CACNB2: variants seen among roughly 807,000 people sequenced by gnomAD.
CACNB2 encodes the protein calcium voltage-gated channel auxiliary subunit beta 2, also known as voltage-dependent L-type calcium channel subunit beta-2.
In CACNB2, 42 loss-of-function variants were observed where a neutral mutation model predicts 73.3. That is an observed-to-expected ratio of 0.57 (90% CI 0.45 to 0.74). The LOEUF (loss-of-function observed/expected upper bound fraction) is 0.74, where lower values mean the gene tolerates loss of function less well. Among genes scored for constraint, CACNB2 ranks in the 30% least tolerant of loss-of-function variants. The pLI is 0.00. For synonymous variants in CACNB2, 348 were observed against 310.3 expected, an observed-to-expected ratio of 1.12 and a Z score of -1.28; for missense variants, 940 against 853.0, an observed-to-expected ratio of 1.10 and a Z score of -1.27.
At chr10:18,303,873 G>T (rs895637618) in intron 2 of CACNB2, among the ~76,000 whole-genome samples, 6 of 152,156 alleles carry the variant, frequency 3.9e-5, no homozygotes, top group African/African-American at 1.4e-4. Flanking sequence ...AATGATGTCT[G>T]TGTAAGAGTT....
At chr10:18,443,999 G>A (rs1198683427) in intron 3 of CACNB2, among the ~76,000 whole-genome samples, 1 of 152,200 alleles carries the variant, frequency 6.6e-6, no homozygotes, top group African/African-American at 2.4e-5. Context: ...ACAGGCGTGA[G>A]CCACCACACC....
At chr10:18,203,816 G>T (rs918526719) in intron 2 of CACNB2, among the ~76,000 whole-genome samples, 1 of 152,114 alleles carries the variant, frequency 6.6e-6, no homozygotes, top group Non-Finnish European at 1.5e-5. Flanking sequence ...AAGAACCGTA[G>T]TTCTTATAAT....
intron 3 of CACNB2, among the ~76,000 whole-genome samples, chr10:18,487,645 G>A (rs1028973220): frequency 6.6e-6 from 1 of 151,974 alleles, no homozygotes; most frequent in Non-Finnish European, 1.5e-5. Flanking sequence ...GACCAGCCTC[G>A]CCAACATAGT....
chr10:18,175,457 T>G (rs2033529833), intron 2 of CACNB2, among the ~76,000 whole-genome samples: 1 of 152,216 alleles, frequency 6.6e-6, no homozygotes, highest in Non-Finnish European at 1.5e-5. Flanking sequence ...GCACAATTTT[T>G]TTTATGAGGA....
chr10:18,483,235 A>C (rs533096815), intron 3 of CACNB2, among the ~76,000 whole-genome samples: 3 of 152,090 alleles, frequency 2.0e-5, no homozygotes, highest in Non-Finnish European at 4.4e-5. Context: ...CGTTTAAAAA[A>C]AAAAAACAGA....
intron 3 of CACNB2, among the ~76,000 whole-genome samples, chr10:18,413,063 C>T (rs181005022): frequency 2.0e-4 from 30 of 152,350 alleles, no homozygotes; most frequent in Admixed American, 1.5e-3. Flanking sequence ...TTCTGCCCCC[C>T]GGGTTCAAGT....
At chr10:18,425,491 A>G (rs2045550994) in intron 3 of CACNB2, among the ~76,000 whole-genome samples, 1 of 148,252 alleles carries the variant, frequency 6.7e-6, no homozygotes, top group Non-Finnish European at 1.5e-5. Context: ...ATCTAACAGT[A>G]CTTCGTTACT....
intron 3 of CACNB2, among the ~76,000 whole-genome samples, chr10:18,476,385 C>G (rs552181153): frequency 6.6e-6 from 1 of 152,304 alleles, no homozygotes; most frequent in South Asian, 2.1e-4. Context: ...GTATACTCTA[C>G]ATAGAGTGAG....
chr10:18,514,771 G>T (rs1217604730), intron 7 of CACNB2, among the ~76,000 whole-genome samples: 2 of 152,076 alleles, frequency 1.3e-5, no homozygotes, highest in African/African-American at 2.4e-5. Flanking sequence ...CAACATTCAG[G>T]GATGTCAAAC....
At chr10:18,361,171 T>C (rs1188171483) in intron 2 of CACNB2, among the ~76,000 whole-genome samples, 1 of 151,928 alleles carries the variant, frequency 6.6e-6, no homozygotes, top group Non-Finnish European at 1.5e-5. Context: ...CTCCTCTACT[T>C]CCCGGGCTCA....
chr10:18,338,686 C>T (rs2041103389), intron 2 of CACNB2, among the ~76,000 whole-genome samples: 2 of 140,296 alleles, frequency 1.4e-5, no homozygotes, highest in Admixed American at 7.5e-5. Flanking sequence ...TCCTTCCTTC[C>T]TTCCTTCCTT....
rs1244330780 is a variant in CACNB2, at chr10:18,254,129, A to T, written c.213+103154A>T. ...AGAATCAGGGAGGAAAGGAAAAAGG[A>T]TGTTTGAGAAGTGTTGCTGTGTGGA... On this transcript the variant is annotated intron_variant, in intron 2 of 13. Coordinates refer to ENST00000324631, the MANE Select transcript of CACNB2 (RefSeq NM_201596.3). Among the ~76,000 whole-genome samples the T allele has an allele frequency of 2.6e-5, 4 of 152,150 alleles. No individual in the cohort carries two copies. The East Asian group carries it at 5.8e-4, about 22-fold the overall frequency.
In CACNB2 at chr10:18,315,516, A is replaced by AC. The variant is rs1434605958; in HGVS notation, c.214-86408_214-86407insC. 1.3e-3 allele frequency among the ~76,000 whole-genome samples: 170 copies of AC among 131,934 alleles called. 2 individuals are homozygous for AC. The highest frequency in any genetic ancestry group is 3.6e-3 in the Middle Eastern group (1 of 278). 86.6% of individuals were successfully genotyped at this position (131,934 alleles called of 152,430 possible). On this transcript the variant is annotated intron_variant, in intron 2 of 13. Transcript: ENST00000324631. ...TCTCTATTTAAAAAAAAAAAAAAAAAAAAAAAAAAAAACTTTTTTTTTTTT... is the reference window on the plus strand; with the variant it reads ...TCTCTATTTAAAAAAAAAAAAAAAAACAAAAAAAAAAAACTTTTTTTTTTTT...
chr10:18,390,011 T>A (rs1235916019), intron 2 of CACNB2, among the ~76,000 whole-genome samples: 2 of 152,218 alleles, frequency 1.3e-5, no homozygotes, highest in African/African-American at 4.8e-5. Context: ...CAGTAAAATA[T>A]TTAAGGACTG....
chr10:18,375,417 G>A (rs1036259005), intron 2 of CACNB2, among the ~76,000 whole-genome samples: 4 of 152,282 alleles, frequency 2.6e-5, no homozygotes, highest in South Asian at 2.1e-4. Context: ...CTGAGAGGTA[G>A]TATTTACTCT....
chr10:18,263,333 C>A (rs1378826939), intron 2 of CACNB2, among the ~76,000 whole-genome samples: 1 of 152,104 alleles, frequency 6.6e-6, no homozygotes, highest in East Asian at 1.9e-4. Flanking sequence ...GCAGCCAGAC[C>A]CCTATGTGGT....
intron 2 of CACNB2, among the ~76,000 whole-genome samples, chr10:18,222,407 TAC>T (rs59165053): frequency 0.024 from 3,548 of 149,798 alleles, 92 homozygotes; most frequent in East Asian, 0.1. Context: ...CACACACACA[TAC>T]ACACACACAC....
intron 2 of CACNB2, among the ~76,000 whole-genome samples, chr10:18,345,587 C>T (rs1461215988): frequency 6.6e-6 from 1 of 152,180 alleles, no homozygotes; most frequent in Non-Finnish European, 1.5e-5. Flanking sequence ...CTATTAAACA[C>T]ACTCCGCTCC....
intron 3 of CACNB2, among the ~76,000 whole-genome samples, chr10:18,434,138 A>T (rs1173406266): frequency 6.6e-6 from 1 of 152,176 alleles, no homozygotes; most frequent in Non-Finnish European, 1.5e-5. Flanking sequence ...TGGTTTGAAG[A>T]TATGATCTTC....
Sources: gnomAD v4.1 joint callset for allele counts (sites outside exome capture counted in the v4.1 genomes callset) on GRCh38, gnomAD v4.1.1 for gene constraint, MANE v1.5 for transcripts, NCBI Gene and HGNC (gene_info 2026-07-23, HGNC 2026-07-21) for gene names.